FOXP2: variants seen among roughly 807,000 people sequenced by gnomAD.
FOXP2 encodes forkhead box protein P2.
In FOXP2, 12 loss-of-function variants were observed where a neutral mutation model predicts 115.8. The ratio of observed to expected loss-of-function variants is 0.10; its 90% CI spans 0.07 to 0.17. The LOEUF (loss-of-function observed/expected upper bound fraction) is 0.17, where lower values mean the gene tolerates loss of function less well. FOXP2 is among the 10% of genes least tolerant of loss of function. The probability of loss-of-function intolerance (pLI) is 1.00; values close to 1 mark genes in which losing one functional copy is unlikely to be tolerated. For synonymous variants in FOXP2, 328 were observed against 297.7 expected, an observed-to-expected ratio of 1.10 and a Z score of -1.05; for missense variants, 629 against 843.5, an observed-to-expected ratio of 0.75 and a Z score of 3.15.
At chr7:114,173,583 T>C (rs1793205213) in intron 1 of FOXP2, among the ~76,000 whole-genome samples, 1 of 151,922 alleles carries the variant, frequency 6.6e-6, no homozygotes, top group Admixed American at 6.6e-5. Context: ...CTAGGGAAAA[T>C]GCATCTGTTG....
chr7:114,153,510 G>T (rs1451292314), intron 1 of FOXP2, among the ~76,000 whole-genome samples: 1 of 152,100 alleles, frequency 6.6e-6, no homozygotes. Flanking sequence ...CTGACATGGA[G>T]TTACTATGAG....
chr7:114,218,420 A>G (rs1288235450), intron 1 of FOXP2, among the ~76,000 whole-genome samples: 1 of 152,188 alleles, frequency 6.6e-6, no homozygotes, highest in African/African-American at 2.4e-5. Context: ...ACCAAGCAGC[A>G]GTAATTACAA....
chr7:114,113,382 T>A (rs1791323378), intron 1 of FOXP2, among the ~76,000 whole-genome samples: 1 of 152,148 alleles, frequency 6.6e-6, no homozygotes. Context: ...ATTTTTTAAT[T>A]CATTATTTCT....
Position 114,631,615 on chromosome 7 carries a change from C to A in FOXP2, c.685C>A (p.Gln229Lys), listed in dbSNP as rs1804928232. 1 of 1,613,452 alleles carries A rather than the reference C, an allele frequency of 6.2e-7. No individual in the cohort carries two copies. Among genetic ancestry groups the A allele is most frequent in the Non-Finnish European group, 8.5e-7 (1 of 1,179,820 alleles). Reference sequence around the variant, plus strand: ...GCTTCTCCAGATGCAACAACTCCAGCAGCAGCAGCATCTGCTCAGCCTTCA... The same window carrying A: ...GCTTCTCCAGATGCAACAACTCCAGAAGCAGCAGCATCTGCTCAGCCTTCA... Reference protein sequence around the residue: ...QQLLQMQQLQQQQHLLSLQRQ... With the variant: ...QQLLQMQQLQKQQHLLSLQRQ... The change falls in exon 6 of 17, where the codon CAG becomes AAG. Residue 229 changes from glutamine to lysine, a missense_variant. By Grantham distance (53) the Gln-to-Lys change is moderately conservative. Transcript: ENST00000350908.
chr7:114,358,844 G>A (rs1237263825), intron 2 of FOXP2, among the ~76,000 whole-genome samples: 2 of 152,108 alleles, frequency 1.3e-5, no homozygotes, highest in Admixed American at 6.5e-5. Context: ...GTTTGAAATT[G>A]GAACTTATAT....
intron 2 of FOXP2, among the ~76,000 whole-genome samples, chr7:114,290,480 T>C (rs797011076): frequency 2.6e-5 from 4 of 152,104 alleles, no homozygotes; most frequent in South Asian, 2.1e-4. Context: ...TTCATTCATA[T>C]ATTTATAGAA....
At chr7:114,143,639 A>T (rs1792286492) in intron 1 of FOXP2, among the ~76,000 whole-genome samples, 1 of 152,188 alleles carries the variant, frequency 6.6e-6, no homozygotes, top group Non-Finnish European at 1.5e-5. Flanking sequence ...GAATACAATG[A>T]ATCATGTACA....
chr7:114,359,350 T>C (rs191821717), intron 2 of FOXP2, among the ~76,000 whole-genome samples: 3 of 152,314 alleles, frequency 2.0e-5, no homozygotes, highest in East Asian at 1.9e-4. Context: ...GGCAGAGGGC[T>C]CATGGAGAAC....
rs548408062 is a variant in FOXP2, at chr7:114,129,694, T to C, written c.-246-33250T>C. On this transcript the variant is annotated intron_variant, in intron 1 of 19. Transcript: ENST00000635638. ...TCCTTTTTACTATTGTTTAGCACTATGGTGTTGGCCGAACTTTATAAATTA... is the reference window on the plus strand; with the variant it reads ...TCCTTTTTACTATTGTTTAGCACTACGGTGTTGGCCGAACTTTATAAATTA... Among the ~76,000 whole-genome samples the C allele has an allele frequency of 3.3e-5, 5 of 152,326 alleles. No individual in the cohort carries two copies. The South Asian group carries it at 1.0e-3, about 32-fold the overall frequency.
chr7:114,096,464 C>T (rs992847395), intron 1 of FOXP2, among the ~76,000 whole-genome samples: 2 of 152,130 alleles, frequency 1.3e-5, no homozygotes, highest in East Asian at 1.9e-4. Flanking sequence ...TTTTCAATAA[C>T]GTCAAGCCAT....
intron 2 of FOXP2, chr7:114,297,163 C>T: frequency 8.1e-6 from 4 of 494,036 alleles, no homozygotes; most frequent in South Asian, 3.3e-5. Flanking sequence ...CGTTTCTCAG[C>T]TCCTCCTGCT....
intron 3 of FOXP2, among the ~76,000 whole-genome samples, chr7:114,615,838 T>C (rs1441118377): frequency 6.6e-6 from 1 of 152,210 alleles, no homozygotes; most frequent in African/African-American, 2.4e-5. Context: ...TTGTTCTCCC[T>C]TAGTTTGGAT....
intron 1 of FOXP2, among the ~76,000 whole-genome samples, chr7:114,245,634 A>T (rs1280607646): frequency 6.6e-6 from 1 of 152,144 alleles, no homozygotes; most frequent in African/African-American, 2.4e-5. Flanking sequence ...TTGGCATTTT[A>T]GTTCCCTCAT....
intron 2 of FOXP2, among the ~76,000 whole-genome samples, chr7:114,369,014 C>T (rs1253018074): frequency 2.6e-5 from 4 of 152,142 alleles, no homozygotes; most frequent in Admixed American, 1.3e-4. Flanking sequence ...GTTGGAGGAT[C>T]GAGCCACTTA....
intron 1 of FOXP2, among the ~76,000 whole-genome samples, chr7:114,425,968 A>T (rs1301920151): frequency 2.0e-5 from 3 of 151,720 alleles, no homozygotes; most frequent in Non-Finnish European, 4.4e-5. Flanking sequence ...CCATTATACT[A>T]TTTATCATTG....
chr7:114,557,435 A>G (rs1396790379), intron 3 of FOXP2, among the ~76,000 whole-genome samples: 1 of 152,202 alleles, frequency 6.6e-6, no homozygotes, highest in Non-Finnish European at 1.5e-5. Flanking sequence ...CTGTGAAATT[A>G]TGCTCTGAAT....
chr7:114,249,735 T>A (rs1351129461), intron 1 of FOXP2, among the ~76,000 whole-genome samples: 1 of 152,098 alleles, frequency 6.6e-6, no homozygotes, highest in Non-Finnish European at 1.5e-5. Context: ...TACCCAGTAA[T>A]GAGATTGCTG....
At chr7:114,185,115 G>T (rs1384225263) in intron 1 of FOXP2, among the ~76,000 whole-genome samples, 2 of 152,106 alleles carry the variant, frequency 1.3e-5, no homozygotes, top group Non-Finnish European at 1.5e-5. Context: ...AACGTATAGT[G>T]CTCTTATGTC....
At chr7:114,235,857 T>A (rs931906436) in intron 1 of FOXP2, among the ~76,000 whole-genome samples, 7 of 152,208 alleles carry the variant, frequency 4.6e-5, no homozygotes, top group African/African-American at 1.7e-4. Context: ...GTCTTATCAC[T>A]ATACGGAGAA....
Sources: allele counts gnomAD v4.1 joint callset (sites outside exome capture counted in the v4.1 genomes callset), GRCh38; gene constraint gnomAD v4.1.1; transcripts MANE v1.5; gene names NCBI Gene and HGNC (gene_info 2026-07-23, HGNC 2026-07-21).